The following PKNOX2 variants were observed in gnomAD, a reference collection of about 807,000 sequenced individuals.
PKNOX2 encodes the protein homeobox protein PKNOX2.
PKNOX2 carries 14 observed loss-of-function variants against 53.1 expected under a neutral mutation model. That is an observed-to-expected ratio of 0.26 (90% CI 0.17 to 0.41). The LOEUF (loss-of-function observed/expected upper bound fraction) is 0.41, where lower values mean the gene tolerates loss of function less well. PKNOX2 is among the 10% of genes least tolerant of loss of function. The pLI is 1.00. For missense variants in PKNOX2, 496 were observed against 602.8 expected (o/e 0.82, Z 1.85); for synonymous variants, 257 against 242.8 (o/e 1.06, Z -0.54).
intron 1 of PKNOX2, among the ~76,000 whole-genome samples, chr11:125,198,315 G>A (rs552377772): frequency 1.3e-4 from 20 of 152,278 alleles, no homozygotes; most frequent in East Asian, 1.9e-4. Flanking sequence ...GCTCCCATCC[G>A]CTTTTTGGAT....
At chr11:125,248,239 G>A (rs889538543) in intron 2 of PKNOX2, among the ~76,000 whole-genome samples, 1 of 152,180 alleles carries the variant, frequency 6.6e-6, no homozygotes, top group East Asian at 1.9e-4. Flanking sequence ...CTGCTCCAGG[G>A]TTCTAATGAA....
At position 125,397,915 on chromosome 11, in the gene PKNOX2, G is replaced by A; in HGVS notation, c.441G>A (p.Glu147=). 2 of 1,613,958 alleles carry A rather than the reference G, an allele frequency of 1.2e-6. No individual in the cohort carries two copies. The highest frequency in any genetic ancestry group is 2.2e-5 in the South Asian group (2 of 91,048). ...AIQVLRIHLL[E]LEKVNELCKD... The stretch of plus-strand genomic sequence containing the variant: ...AGGTCCTGAGAATCCACCTGCTGGA[G>A]CTGGAGAAAGTCAATGAACTCTGCA... The change falls in exon 7 of 13, where the codon GAG becomes GAA. Residue 147 remains glutamate (E), a synonymous_variant. Coordinates refer to ENST00000298282, the MANE Select transcript of PKNOX2 (RefSeq NM_001382323.2).
intron 4 of PKNOX2, 24 bp downstream of exon 4, chr11:125,351,416 T>G: frequency 6.7e-7 from 1 of 1,486,270 alleles, no homozygotes; most frequent in Non-Finnish European, 9.3e-7. Context: ...GGCCGCTGCC[T>G]CCCACCACGG....
intron 2 of PKNOX2, among the ~76,000 whole-genome samples, chr11:125,239,252 G>C (rs1193336382): frequency 6.6e-6 from 1 of 152,134 alleles, no homozygotes; most frequent in African/African-American, 2.4e-5. Context: ...AATGAATATT[G>C]AATGAGCAAT....
At chr11:125,427,520 C>G (rs561919679) in intron 10 of PKNOX2, among the ~76,000 whole-genome samples, 1 of 152,248 alleles carries the variant, frequency 6.6e-6, no homozygotes, top group East Asian at 1.9e-4. Flanking sequence ...TGTAACACCC[C>G]CTGATAATAA....
At chr11:125,233,562 G>A (rs1039309391) in intron 1 of PKNOX2, among the ~76,000 whole-genome samples, 1 of 152,198 alleles carries the variant, frequency 6.6e-6, no homozygotes, top group East Asian at 1.9e-4. Context: ...AGATGCAGAA[G>A]ACATGGTCCT....
chr11:125,340,598 A>G (rs1291943909), intron 3 of PKNOX2, among the ~76,000 whole-genome samples: 1 of 152,244 alleles, frequency 6.6e-6, no homozygotes. Context: ...CCTGGGGCAC[A>G]GGGACGGCTC....
At chr11:125,357,953 G>T (rs2136231041) in intron 4 of PKNOX2, among the ~76,000 whole-genome samples, 1 of 152,282 alleles carries the variant, frequency 6.6e-6, no homozygotes, top group South Asian at 2.1e-4. Context: ...GTGTACTGGG[G>T]TGCAAAATCA....
chr11:125,385,477 C>T (rs1953560132), intron 5 of PKNOX2, 74 bp from the exon 6 acceptor site: 2 of 1,482,476 alleles, frequency 1.3e-6, no homozygotes, highest in African/African-American at 2.9e-5. Context: ...GCAGGGGAGC[C>T]TGGTGGCTTC....
intron 6 of PKNOX2, among the ~76,000 whole-genome samples, chr11:125,386,517 T>C (rs1316128954): frequency 6.6e-6 from 1 of 152,222 alleles, no homozygotes; most frequent in African/African-American, 2.4e-5. Flanking sequence ...CTTGGAATTA[T>C]TAACCACAAT....
intron 1 of PKNOX2, among the ~76,000 whole-genome samples, chr11:125,173,090 C>G (rs1955444794): frequency 6.6e-6 from 1 of 152,208 alleles, no homozygotes; most frequent in Admixed American, 6.5e-5. Context: ...CTTAACCCCT[C>G]TGAGCCTCCG....
intron 7 of PKNOX2, among the ~76,000 whole-genome samples, chr11:125,405,548 A>G (rs1227737999): frequency 2.6e-4 from 39 of 152,186 alleles, no homozygotes; most frequent in Admixed American, 2.6e-3. Context: ...TTTCTTAGTA[A>G]GGCCTTCCTT....
At chr11:125,189,025 C>T (rs1166116032) in intron 1 of PKNOX2, among the ~76,000 whole-genome samples, 1 of 152,006 alleles carries the variant, frequency 6.6e-6, no homozygotes, top group East Asian at 1.9e-4. Context: ...ATGGAAGACA[C>T]CTAAGCACAA....
At chr11:125,247,218 A>T (rs1372061102) in intron 2 of PKNOX2, among the ~76,000 whole-genome samples, 2 of 152,114 alleles carry the variant, frequency 1.3e-5, no homozygotes, top group African/African-American at 2.4e-5. Context: ...CTCTGTGCTT[A>T]TCCACATGAG....
chr11:125,176,373 A>G (rs892268508), intron 1 of PKNOX2, among the ~76,000 whole-genome samples: 1 of 152,216 alleles, frequency 6.6e-6, no homozygotes, highest in South Asian at 2.1e-4. Flanking sequence ...CGCTAGGGAT[A>G]TGACCGTGAA....
chr11:125,386,390 C>T (rs1274909752), intron 6 of PKNOX2, among the ~76,000 whole-genome samples: 1 of 152,172 alleles, frequency 6.6e-6, no homozygotes, highest in Non-Finnish European at 1.5e-5. Context: ...TTGCAATTGT[C>T]ATTAGGTTTG....
chr11:125,238,426 T>C (rs1942902207), intron 2 of PKNOX2, among the ~76,000 whole-genome samples: 1 of 152,202 alleles, frequency 6.6e-6, no homozygotes, highest in Non-Finnish European at 1.5e-5. Flanking sequence ...TGTTATGGGA[T>C]GATGTTATTA....
At chr11:125,390,606 T>C (rs1953990846) in intron 6 of PKNOX2, among the ~76,000 whole-genome samples, 1 of 152,246 alleles carries the variant, frequency 6.6e-6, no homozygotes, top group Non-Finnish European at 1.5e-5. Context: ...TTCTTTGCTG[T>C]TTAATTCTCA....
chr11:125,307,560 A>G (rs1415049741), intron 2 of PKNOX2, among the ~76,000 whole-genome samples: 1 of 152,266 alleles, frequency 6.6e-6, no homozygotes, highest in Admixed American at 6.5e-5. Flanking sequence ...CTCTGTCTCA[A>G]AAAAACAAAC....
Sources: allele counts gnomAD v4.1 joint callset (sites outside exome capture counted in the v4.1 genomes callset), GRCh38; gene constraint gnomAD v4.1.1; transcripts MANE v1.5; gene names NCBI Gene and HGNC (gene_info 2026-07-23, HGNC 2026-07-21).